KIFAP3: variants seen among roughly 807,000 people sequenced by gnomAD.
The protein encoded by KIFAP3 is kinesin-associated protein 3.
In KIFAP3, 68 loss-of-function variants were observed where a neutral mutation model predicts 106.5. The observed-to-expected ratio is 0.64, with a 90% CI of 0.53 to 0.78. KIFAP3 has a LOEUF of 0.78. Among genes scored for constraint, KIFAP3 ranks in the 30% least tolerant of loss-of-function variants. The pLI is 0.00. For synonymous variants in KIFAP3, 320 were observed against 311.5 expected (o/e 1.03, Z -0.29); for missense variants, 780 against 941.8 (o/e 0.83, Z 2.25).
intron 2 of KIFAP3, among the ~76,000 whole-genome samples, chr1:170,052,454 G>C (rs540834303): frequency 6.6e-5 from 10 of 152,046 alleles, no homozygotes; most frequent in Non-Finnish European, 1.2e-4. Context: ...ACTATTCCAA[G>C]CAAGAGAAAA....
chr1:170,075,736 A>G (rs1365583665), upstream of KIFAP3, among the ~76,000 whole-genome samples: 1 of 152,240 alleles, frequency 6.6e-6, no homozygotes, highest in Non-Finnish European at 1.5e-5. Flanking sequence ...GAAAATTTGC[A>G]GCTAATTTTG....
intron 19 of KIFAP3, among the ~76,000 whole-genome samples, chr1:169,933,220 T>G (rs1663592369): frequency 6.6e-6 from 1 of 152,026 alleles, no homozygotes; most frequent in Non-Finnish European, 1.5e-5. Flanking sequence ...GGCAGTATTA[T>G]TTGATGTTTT....
chr1:169,937,303 A>C, intron 19 of KIFAP3, among the ~76,000 whole-genome samples: 1 of 151,770 alleles, frequency 6.6e-6, no homozygotes, highest in Non-Finnish European at 1.5e-5. Flanking sequence ...GCAAACATTA[A>C]ATGATTCTAT....
chr1:170,051,733 C>A (rs906360814), intron 2 of KIFAP3, among the ~76,000 whole-genome samples: 1 of 152,120 alleles, frequency 6.6e-6, no homozygotes, highest in South Asian at 2.1e-4. Flanking sequence ...ACAACCTGGT[C>A]CTGAATGACT....
chr1:169,935,057 T>C (rs1300656408), intron 19 of KIFAP3, among the ~76,000 whole-genome samples: 17 of 152,156 alleles, frequency 1.1e-4, no homozygotes, highest in Non-Finnish European at 2.5e-4. Context: ...AATACTTTTT[T>C]GAGATTTTTT....
chr1:169,925,248 G>A (rs1663072790), intron 19 of KIFAP3, among the ~76,000 whole-genome samples: 1 of 151,766 alleles, frequency 6.6e-6, no homozygotes, highest in Non-Finnish European at 1.5e-5. Context: ...AACATATTTT[G>A]GACCTTTGAA....
chr1:169,998,195 C>G (rs1347283673), intron 10 of KIFAP3, among the ~76,000 whole-genome samples: 1 of 151,928 alleles, frequency 6.6e-6, no homozygotes, highest in Non-Finnish European at 1.5e-5. Flanking sequence ...GGCTATCAAG[C>G]AGACGAAAGA....
intron 10 of KIFAP3, among the ~76,000 whole-genome samples, chr1:169,997,573 T>C (rs539641259): frequency 1.8e-4 from 28 of 152,184 alleles, no homozygotes; most frequent in Admixed American, 1.4e-3. Context: ...CATTTTCCTA[T>C]AAAGCTCTGC....
rs1662827635 is a variant in KIFAP3, at chr1:169,921,600, A to G, written c.*76T>C. 1 of 1,090,380 alleles carries G rather than the reference A, an allele frequency of 9.2e-7. No individual in the cohort carries two copies. The highest frequency in any genetic ancestry group is 2.5e-5 in the East Asian group (1 of 40,494). 67.5% of individuals were successfully genotyped at this position (1,090,380 alleles called of 1,614,324 possible). On this transcript the variant is annotated 3_prime_UTR_variant, in exon 20 of 20. Transcript: ENST00000361580. Reference sequence around the variant, plus strand: ...CACAATAACATCAACATGCATTATTAGGCAAAGATCCAAAATTAACCCAAC... The same window carrying G: ...CACAATAACATCAACATGCATTATTGGGCAAAGATCCAAAATTAACCCAAC...
intron 9 of KIFAP3, among the ~76,000 whole-genome samples, chr1:170,018,284 G>A (rs1176272345): frequency 6.6e-6 from 1 of 152,062 alleles, no homozygotes; most frequent in Non-Finnish European, 1.5e-5. Flanking sequence ...CATATGGCCT[G>A]CAAAACCTAC....
At chr1:169,991,332 C>A in intron 11 of KIFAP3, among the ~76,000 whole-genome samples, 1 of 124,214 alleles carries the variant, frequency 8.1e-6, no homozygotes. Context: ...GGCAACAGAG[C>A]AAGATCCTGT....
intron 5 of KIFAP3, among the ~76,000 whole-genome samples, chr1:170,037,355 T>G (rs961291741): frequency 6.6e-6 from 1 of 152,232 alleles, no homozygotes; most frequent in Admixed American, 6.5e-5. Flanking sequence ...TTCTCTCTCA[T>G]GTAATGCAAA....
In KIFAP3 at chr1:170,055,372, C is replaced by G. The variant is rs145541829; in HGVS notation, c.97G>C (p.Val33Leu). ...ATTTCTCCAAGAATGGTAGCTTCCACTTCATAGTGAACAATGAGTGCTTTT... is the reference window on the plus strand; with the variant it reads ...ATTTCTCCAAGAATGGTAGCTTCCAGTTCATAGTGAACAATGAGTGCTTTT... ...SEKALIVHYE[V>L]EATILGEMGD... Residue 33 changes from valine to leucine, a missense_variant, in exon 2 of 20, where the codon GTG (valine) becomes CTG (leucine). Val to Leu is a conservative substitution (Grantham distance 32). This residue lies in a region of KIFAP3 where 588 missense variants were observed against 678.9 expected (regional missense o/e 0.87). Coordinates refer to ENST00000361580, the MANE Select transcript of KIFAP3 (RefSeq NM_014970.4). 2.7e-4 allele frequency: 427 copies of G among 1,610,262 alleles called. No homozygotes were observed. Among genetic ancestry groups the G allele is most frequent in the Non-Finnish European group, 3.5e-4 (415 of 1,177,952 alleles).
rs1035737474 is a variant in KIFAP3, at chr1:170,039,383, T to G, written c.320-95A>C. On this transcript the variant is annotated intron_variant, in intron 3 of 19. Transcript: ENST00000361580. Reference sequence around the variant, plus strand: ...CAGCTGAGTTTAACTCTAGGTAAACTGGGGATATTAAAACTAAATAGTTTA... The same window carrying G: ...CAGCTGAGTTTAACTCTAGGTAAACGGGGGATATTAAAACTAAATAGTTTA... 18 of 625,472 alleles carry G rather than the reference T, an allele frequency of 2.9e-5. No individual in the cohort carries two copies. In the East Asian group the frequency reaches 4.9e-4, roughly 17 times the overall value. The allele number at this position is 625,472 out of a possible 1,614,324, so 38.7% of individuals were successfully genotyped here.
At chr1:170,062,666 G>A (rs187347701) in intron 1 of KIFAP3, among the ~76,000 whole-genome samples, 3 of 152,176 alleles carry the variant, frequency 2.0e-5, no homozygotes, top group East Asian at 1.9e-4. Flanking sequence ...TGTATGAGCA[G>A]GTTTTGCTGT....
chr1:169,964,530 G>C (rs1665503873), intron 17 of KIFAP3, among the ~76,000 whole-genome samples: 1 of 152,176 alleles, frequency 6.6e-6, no homozygotes, highest in Non-Finnish European at 1.5e-5. Context: ...TGATATGGGA[G>C]GAAGTCATTG....
intron 19 of KIFAP3, among the ~76,000 whole-genome samples, chr1:169,939,654 G>C (rs2101806366): frequency 6.6e-6 from 1 of 152,240 alleles, no homozygotes; most frequent in African/African-American, 2.4e-5. Context: ...ATATAGCCCT[G>C]AAGTAACCAG....
chr1:169,921,711 G>A lies in KIFAP3; in HGVS notation c.2344C>T (p.Pro782Ser). 1 of 1,613,718 alleles carries A rather than the reference G, an allele frequency of 6.2e-7. No homozygotes were observed. The highest frequency in any genetic ancestry group is 8.5e-7 in the Non-Finnish European group (1 of 1,179,752). The change falls in exon 20 of 20, where the codon CCT becomes TCT. Residue 782 changes from proline to serine, a missense_variant. Transcript: ENST00000361580. ...GRPATAYGFR[P>S]DEPYYYGYGS The stretch of plus-strand genomic sequence containing the variant: ...TAGCCATAGTAGTAAGGTTCATCAG[G>A]GCGGAATCCATATGCTGTGGCAGGG...
At chr1:170,008,427 AAAAC>A (rs770997671) in intron 10 of KIFAP3, among the ~76,000 whole-genome samples, 17 of 151,786 alleles carry the variant, frequency 1.1e-4, no homozygotes, top group Admixed American at 2.0e-4. Context: ...TTACAAGAAA[AAAAC>A]AAACAACCCC....
Sources: gnomAD v4.1 joint callset for allele counts (sites outside exome capture counted in the v4.1 genomes callset) on GRCh38, gnomAD v4.1.1 for gene constraint, gnomAD v4.1.1 regional missense constraint, MANE v1.5 for transcripts, NCBI Gene and HGNC (gene_info 2026-07-23, HGNC 2026-07-21) for gene names.